The following RCAN2 variants were observed in gnomAD, a reference collection of about 807,000 sequenced individuals.
The protein encoded by RCAN2 is calcipressin-2.
RCAN2 carries 9 observed loss-of-function variants against 23.6 expected under a neutral mutation model. The observed-to-expected ratio is 0.38, with a 90% CI of 0.23 to 0.67. The LOEUF (loss-of-function observed/expected upper bound fraction) is 0.67. Ranked by LOEUF, RCAN2 falls within the 30% of genes least tolerant of loss-of-function variation. The pLI is 0.51. For missense variants in RCAN2, 273 were observed against 302.3 expected (o/e 0.90, Z 0.72); for synonymous variants, 109 against 115.7 (o/e 0.94, Z 0.37).
intron 2 of RCAN2, among the ~76,000 whole-genome samples, chr6:46,360,533 CAA>C (rs765916099): frequency 0.017 from 579 of 33,320 alleles, 1 homozygote; most frequent in African/African-American, 0.069. Context: ...GACTCCGTCT[CAA>C]AAAAAAAAAA....
At chr6:46,234,133 G>A (rs1766006799) in intron 4 of RCAN2, among the ~76,000 whole-genome samples, 1 of 152,156 alleles carries the variant, frequency 6.6e-6, no homozygotes, top group South Asian at 2.1e-4. Flanking sequence ...CAAGCAGGGA[G>A]TCCACTCTGT....
Position 46,461,616 on chromosome 6 carries a change from G to A in RCAN2, c.-2-4638C>T, listed in dbSNP as rs1012838115. Among the ~76,000 whole-genome samples, 17 of 147,796 alleles carry A rather than the reference G, an allele frequency of 1.2e-4. No homozygotes were observed. The South Asian group carries it at 1.3e-3, about 11-fold the overall frequency. On this transcript the variant is annotated intron_variant, in intron 1 of 4. Coordinates refer to ENST00000371374, the MANE Select transcript of RCAN2 (RefSeq NM_001251974.2). ...TTTTTTTCTTTTGAGAGAGAGTTTC[G>A]CTCTTATTGCCCAGGTCAGAGTACA...
chr6:46,468,701 G>A (rs936945178), intron 1 of RCAN2: 16 of 557,736 alleles, frequency 2.9e-5, no homozygotes, highest in Admixed American at 1.9e-4. Flanking sequence ...GTGCTGACGA[G>A]ACAAATGGAA....
chr6:46,229,241 A>T (rs969681931), intron 4 of RCAN2, among the ~76,000 whole-genome samples: 2 of 152,034 alleles, frequency 1.3e-5, no homozygotes, highest in African/African-American at 4.8e-5. Flanking sequence ...TCTGACAATT[A>T]TGTTTCTTGG....
intron 2 of RCAN2, among the ~76,000 whole-genome samples, chr6:46,452,298 C>A (rs888414880): frequency 4.7e-5 from 7 of 150,380 alleles, no homozygotes; most frequent in African/African-American, 1.7e-4. Context: ...GATAATGATA[C>A]TTACACCAAT....
chr6:46,313,614 A>G (rs928672375), intron 2 of RCAN2, among the ~76,000 whole-genome samples: 1 of 152,212 alleles, frequency 6.6e-6, no homozygotes, highest in African/African-American at 2.4e-5. Flanking sequence ...TTTATAACAA[A>G]TGGCTTCTTG....
chr6:46,378,814 C>A (rs1765548255), intron 2 of RCAN2, among the ~76,000 whole-genome samples: 1 of 152,128 alleles, frequency 6.6e-6, no homozygotes, highest in African/African-American at 2.4e-5. Context: ...TTCTTTAGAA[C>A]AATGTTGGCA....
chr6:46,246,568 G>A (rs910952682), intron 4 of RCAN2, among the ~76,000 whole-genome samples, 180 bp downstream of exon 4: 15 of 152,214 alleles, frequency 9.9e-5, no homozygotes, highest in Admixed American at 5.9e-4. Flanking sequence ...CTTTTTGAAC[G>A]GGTGCAAAGT....
At chr6:46,462,897 G>T (rs1768263891) in intron 1 of RCAN2, among the ~76,000 whole-genome samples, 1 of 152,158 alleles carries the variant, frequency 6.6e-6, no homozygotes, top group Non-Finnish European at 1.5e-5. Flanking sequence ...ATGAGAGCAG[G>T]GAGCCATGCA....
At chr6:46,466,816 G>A (rs1171368019) in intron 1 of RCAN2, among the ~76,000 whole-genome samples, 1 of 152,166 alleles carries the variant, frequency 6.6e-6, no homozygotes, top group African/African-American at 2.4e-5. Context: ...ATAGCGGCAG[G>A]AGCAGCGACA....
chr6:46,340,815 A>G (rs1375274252), intron 2 of RCAN2, among the ~76,000 whole-genome samples: 1 of 152,256 alleles, frequency 6.6e-6, no homozygotes, highest in Non-Finnish European at 1.5e-5. Flanking sequence ...CTAATTTTAT[A>G]CAGAATCAAA....
intron 2 of RCAN2, among the ~76,000 whole-genome samples, chr6:46,357,087 G>A (rs1185776951): frequency 6.6e-6 from 1 of 152,160 alleles, no homozygotes; most frequent in Non-Finnish European, 1.5e-5. Flanking sequence ...GGAATTTTTA[G>A]TGGAGCAGGC....
rs372882817 is a variant in RCAN2, at chr6:46,240,264, C to CT, written c.571+6483dup. Among the ~76,000 whole-genome samples, 291 of 152,118 alleles carry CT rather than the reference C, an allele frequency of 1.9e-3. 1 individual carries two copies. In the South Asian group the frequency reaches 0.021, roughly 11 times the overall value. ...ACTACAATGATTCTTCCTTAAAGTACTTTTTTTTATAGGCAGTAGGATTTG... is the reference window on the plus strand; with the variant it reads ...ACTACAATGATTCTTCCTTAAAGTACTTTTTTTTTATAGGCAGTAGGATTTG... On this transcript the variant is annotated intron_variant, in intron 4 of 4. Transcript: ENST00000371374.
At chr6:46,469,641 G>C (rs1048119526) in intron 1 of RCAN2, among the ~76,000 whole-genome samples, 41 of 152,166 alleles carry the variant, frequency 2.7e-4, no homozygotes, top group African/African-American at 9.9e-4. Flanking sequence ...TGCTAGAAAC[G>C]AAGTGGGAAG....
chr6:46,425,885 C>CTTCT (rs60367282), intron 2 of RCAN2, among the ~76,000 whole-genome samples: 3,899 of 147,318 alleles, frequency 0.026, 186 homozygotes, highest in African/African-American at 0.09. Context: ...AGGCTAATTA[C>CTTCT]TTCTTTCTTT....
At chr6:46,490,207 A>T (rs1044739185) in intron 1 of RCAN2, among the ~76,000 whole-genome samples, 5 of 152,162 alleles carry the variant, frequency 3.3e-5, no homozygotes, top group African/African-American at 4.8e-5. Context: ...GGCTGAAGGG[A>T]GAGAGAAGTG....
At chr6:46,363,027 A>G (rs1241961859) in intron 2 of RCAN2, among the ~76,000 whole-genome samples, 1 of 152,204 alleles carries the variant, frequency 6.6e-6, no homozygotes, top group Non-Finnish European at 1.5e-5. Context: ...GCATGCACTA[A>G]GAATTATGCC....
chr6:46,244,695 C>G (rs974407178), intron 4 of RCAN2, among the ~76,000 whole-genome samples: 7 of 152,218 alleles, frequency 4.6e-5, no homozygotes, highest in Non-Finnish European at 1.0e-4. Flanking sequence ...ATTGGAAGCT[C>G]TGGCACTTTC....
upstream of RCAN2, among the ~76,000 whole-genome samples, chr6:46,491,645 C>T (rs1387781051): frequency 1.3e-5 from 2 of 152,006 alleles, no homozygotes; most frequent in African/African-American, 4.8e-5. Context: ...TCTCACCCTG[C>T]CCTCAGCCCC....
Sources: gnomAD v4.1 joint callset for allele counts (sites outside exome capture counted in the v4.1 genomes callset) on GRCh38, gnomAD v4.1.1 for gene constraint, MANE v1.5 for transcripts, NCBI Gene and HGNC (gene_info 2026-07-23, HGNC 2026-07-21) for gene names.